Variants in RPSA2 observed in about 807,000 individuals in gnomAD.
RPSA2 encodes ribosomal protein SA 2, also known as small ribosomal subunit protein uS2B.
At chr19:23,855,896 G>A in the RPSA2 span, among the ~76,000 whole-genome samples, 4 of 152,128 alleles carry the variant, frequency 2.6e-5, no homozygotes, top group South Asian at 4.1e-4. Context: ...GGCAAAGACC[G>A]CAAAGGTTTG....
chr19:23,804,599 C>A, the RPSA2 span, among the ~76,000 whole-genome samples: 1 of 152,080 alleles, frequency 6.6e-6, no homozygotes, highest in African/African-American at 2.4e-5. Context: ...CCGGCCTGTG[C>A]CTCATTTTTC....
the RPSA2 span, among the ~76,000 whole-genome samples, chr19:23,794,780 T>A: frequency 6.6e-6 from 1 of 152,246 alleles, no homozygotes; most frequent in Non-Finnish European, 1.5e-5. Flanking sequence ...TCTAGAATGG[T>A]ATTTCCTAAA....
the RPSA2 span, among the ~76,000 whole-genome samples, chr19:23,793,023 T>C: frequency 6.6e-6 from 1 of 152,166 alleles, no homozygotes; most frequent in Admixed American, 6.5e-5. Flanking sequence ...GAGGGTAAGC[T>C]CAAAGTTCAT....
chr19:23,786,096 C>G, the RPSA2 span, among the ~76,000 whole-genome samples: 2 of 152,140 alleles, frequency 1.3e-5, no homozygotes, highest in Non-Finnish European at 2.9e-5. Context: ...AAATCCAGTA[C>G]TTTAGCGGGT....
chr19:23,855,773 C>T, the RPSA2 span, among the ~76,000 whole-genome samples: 6 of 152,064 alleles, frequency 3.9e-5, no homozygotes, highest in Non-Finnish European at 5.9e-5. Flanking sequence ...GGCAAAGTGA[C>T]TGGATGAGGG....
chr19:23,845,285 T>C, the RPSA2 span, among the ~76,000 whole-genome samples: 70 of 149,802 alleles, frequency 4.7e-4, no homozygotes, highest in African/African-American at 1.6e-3. Context: ...GTTTTTTTTT[T>C]CTTCTTCTAA....
chr19:23,844,067 T>C, the RPSA2 span, among the ~76,000 whole-genome samples: 1 of 152,304 alleles, frequency 6.6e-6, no homozygotes, highest in East Asian at 1.9e-4. Flanking sequence ...CCTCTATTTT[T>C]TCTTTTTGAT....
the RPSA2 span, among the ~76,000 whole-genome samples, chr19:23,833,786 A>G: frequency 3.3e-5 from 5 of 152,076 alleles, no homozygotes; most frequent in African/African-American, 1.2e-4. Flanking sequence ...AAGAGTATTT[A>G]CTTTAAAAAA....
chr19:23,770,334 C>T, the RPSA2 span, among the ~76,000 whole-genome samples: 1 of 152,170 alleles, frequency 6.6e-6, no homozygotes, highest in South Asian at 2.1e-4. Flanking sequence ...GCCCTGCATG[C>T]ATTGTGTGTT....
the RPSA2 span, among the ~76,000 whole-genome samples, chr19:23,790,242 C>A: frequency 6.6e-6 from 1 of 152,160 alleles, no homozygotes; most frequent in South Asian, 2.1e-4. Context: ...CGTGATCCAC[C>A]CGCCTAGGCT....
At chr19:23,849,668 C>T in the RPSA2 span, among the ~76,000 whole-genome samples, 1 of 152,142 alleles carries the variant, frequency 6.6e-6, no homozygotes, top group Non-Finnish European at 1.5e-5. Context: ...TGATGATCCT[C>T]ATCCTTCCAA....
chr19:23,862,700 A>G, the RPSA2 span, among the ~76,000 whole-genome samples: 1 of 151,564 alleles, frequency 6.6e-6, no homozygotes, highest in African/African-American at 2.4e-5. Context: ...ATTGATTTGC[A>G]TATATTGAAC....
At chr19:23,857,403 C>T in the RPSA2 span, among the ~76,000 whole-genome samples, 12 of 151,960 alleles carry the variant, frequency 7.9e-5, no homozygotes, top group East Asian at 1.4e-3. Context: ...TGGCTCCAGC[C>T]GGTCCCTCCA....
chr19:23,829,196 C>A, the RPSA2 span, among the ~76,000 whole-genome samples: 1 of 152,106 alleles, frequency 6.6e-6, no homozygotes, highest in Non-Finnish European at 1.5e-5. Flanking sequence ...ATTAGACTTA[C>A]TGTTATTTTA....
At chr19:23,849,021 A>G in the RPSA2 span, among the ~76,000 whole-genome samples, 2 of 152,234 alleles carry the variant, frequency 1.3e-5, no homozygotes, top group African/African-American at 4.8e-5. Flanking sequence ...AGGTCTGGGT[A>G]AAGTTACCAG....
chr19:23,828,936 G>GAC, the RPSA2 span, among the ~76,000 whole-genome samples: 5,188 of 148,314 alleles, frequency 0.035, 163 homozygotes, highest in African/African-American at 0.085. Context: ...CCTAATGTGA[G>GAC]ACACACACAC....
the RPSA2 span, among the ~76,000 whole-genome samples, chr19:23,841,628 T>A: frequency 6.6e-6 from 1 of 152,172 alleles, no homozygotes; most frequent in African/African-American, 2.4e-5. Flanking sequence ...ATTTGTGGGT[T>A]ACTGGAAAAA....
At chr19:23,855,791 T>C in the RPSA2 span, among the ~76,000 whole-genome samples, 5 of 151,936 alleles carry the variant, frequency 3.3e-5, no homozygotes, top group South Asian at 4.2e-4. Flanking sequence ...GGGACCAAAA[T>C]GACAGGAGGG....
At chr19:23,823,634 A>G in the RPSA2 span, 1 of 152,132 alleles carries the variant, frequency 6.6e-6, no homozygotes, top group South Asian at 2.1e-4. Context: ...GAGTTTGCAA[A>G]CCATTCTTGC....
Sources: gnomAD v4.1 joint callset for allele counts (sites outside exome capture counted in the v4.1 genomes callset) on GRCh38, gnomAD v4.1.1 for gene constraint, MANE v1.5 for transcripts, NCBI Gene and HGNC (gene_info 2026-07-23, HGNC 2026-07-21) for gene names.